Variants in COL4A3 observed in about 807,000 individuals in gnomAD.
COL4A3 encodes the protein collagen alpha-3(IV) chain.
COL4A3 carries 135 observed loss-of-function variants against 217.4 expected under a neutral mutation model. The ratio of observed to expected loss-of-function variants is 0.62; its 90% confidence interval spans 0.54 to 0.72. The LOEUF (loss-of-function observed/expected upper bound fraction) is 0.72, where lower values mean the gene tolerates loss of function less well. COL4A3 is among the 30% of genes least tolerant of loss of function. The pLI is 0.00. For synonymous variants in COL4A3, 690 were observed against 736.3 expected (o/e 0.94, Z 1.02); for missense variants, 1,868 against 2,119.9 (o/e 0.88, Z 2.33).
rs2072980655 is a variant in COL4A3 at position 227,295,283 on chromosome 2, C to T, written c.3532C>T (p.Pro1178Ser). 1 of 1,614,010 alleles carries T rather than the reference C, an allele frequency of 6.2e-7. No individual in the cohort carries two copies. The highest frequency in any genetic ancestry group is 8.5e-7 in the Non-Finnish European group (1 of 1,179,920). ...ATCTCTTTCAGGTTTATTGAGGGCC[C>T]CTCCAGGCCCAAGAGGGAACCCTGG... ...EKGETGLLRA[P>S]PGPRGNPGAQ... Residue 1178 changes from proline to serine, a missense_variant, in exon 41 of 52, where the codon CCT (proline) becomes TCT (serine). Physicochemically the swap from Pro to Ser is moderately conservative, Grantham distance 74. This residue lies in a region of COL4A3 where 1,503 missense variants were observed against 1,786.1 expected (regional missense o/e 0.84). Coordinates refer to ENST00000396578, the MANE Select transcript of COL4A3 (RefSeq NM_000091.5).
chr2:227,293,831 T>A (rs2072898329), intron 38 of COL4A3: 7 of 466,028 alleles, frequency 1.5e-5, no homozygotes, highest in Non-Finnish European at 3.1e-5. Flanking sequence ...GGCTATCTTC[T>A]TCCAGTGTTT....
In COL4A3 at chr2:227,308,748, C is replaced by A. The variant is rs973432580; in HGVS notation, c.4463-151C>A. Reference sequence around the variant, plus strand: ...TCTTTGATTTCTATCAGTATGAAAACTTTTCAATACTACATTTTGCAGATA... The same window carrying A: ...TCTTTGATTTCTATCAGTATGAAAAATTTTCAATACTACATTTTGCAGATA... On this transcript the variant is annotated intron_variant, in intron 48 of 51. Coordinates refer to ENST00000396578, the MANE Select transcript of COL4A3 (RefSeq NM_000091.5). 10 of 803,176 alleles carry A rather than the reference C, an allele frequency of 1.2e-5. No individual in the cohort carries two copies. In the African/African-American group the frequency reaches 1.5e-4, roughly 12 times the overall value. The allele number at this position is 803,176 out of a possible 1,614,324, so 49.8% of individuals were successfully genotyped here.
At chr2:227,291,424 G>A (rs1212107924) in intron 37 of COL4A3, among the ~76,000 whole-genome samples, 2 of 151,116 alleles carry the variant, frequency 1.3e-5, no homozygotes, top group Admixed American at 6.6e-5. Context: ...TTAGCCGGGC[G>A]TTTTGGCGGG....
Position 227,267,502 on chromosome 2 carries a change from A to G in COL4A3, c.1504+414A>G, listed in dbSNP as rs201794692. ...GTTCCTACTTTTAAAAGAGTCATAG[A>G]AAAATGTGGTATTTCACTTTCTTCT... On this transcript the variant is annotated intron_variant, in intron 23 of 51. Coordinates refer to ENST00000396578, the MANE Select transcript of COL4A3 (RefSeq NM_000091.5). 3.9e-5 allele frequency among the ~76,000 whole-genome samples: 6 copies of G among 152,348 alleles called. No individual in the cohort carries two copies. In the East Asian group the frequency reaches 7.7e-4, roughly 20 times the overall value.
At chr2:227,286,123 G>A (rs540395694) in intron 34 of COL4A3, among the ~76,000 whole-genome samples, 17 of 152,232 alleles carry the variant, frequency 1.1e-4, no homozygotes, top group African/African-American at 3.4e-4. Context: ...ATTTAACAAC[G>A]ACCTAAGTAG....
chr2:227,220,136 A>ATGTGTGTGTG (rs35199710), intron 1 of COL4A3, among the ~76,000 whole-genome samples: 2,540 of 127,112 alleles, frequency 0.02, 146 homozygotes, highest in East Asian at 0.18. Flanking sequence ...AGGCGGTTTT[A>ATGTGTGTGTG]TGTGTGTGTG....
At chr2:227,294,394 G>C in intron 38 of COL4A3, 96 bp from the exon 39 acceptor site, 1 of 873,736 alleles carries the variant, frequency 1.1e-6, no homozygotes, top group Non-Finnish European at 2.0e-6. Context: ...GCCAGCGTGA[G>C]CATGGTTGAC....
In COL4A3 at chr2:227,248,513, G is replaced by T; in HGVS notation, c.539G>T (p.Gly180Val). 1 of 1,611,832 alleles carries T rather than the reference G, an allele frequency of 6.2e-7. No homozygotes were observed. The highest frequency in any genetic ancestry group is 1.1e-5 in the South Asian group (1 of 91,028). ...KGDPGLPGAP[G>V]PQGLPGPPGF... ...GACCCCGGGTTGCCAGGGGCTCCAGGACCCCAGGTACAGCACTTCAGAGAA... is the reference window on the plus strand; with the variant it reads ...GACCCCGGGTTGCCAGGGGCTCCAGTACCCCAGGTACAGCACTTCAGAGAA... Residue 180 changes from glycine (G) to valine (V), a missense_variant, in exon 9 of 52, where the codon GGA (glycine) becomes GTA (valine). Physicochemically the swap from Gly to Val is moderately radical, Grantham distance 109. Transcript: ENST00000396578.
chr2:227,244,295 T>C (rs1559860208), intron 3 of COL4A3, 25 bp from the exon 4 acceptor site: 1 of 1,612,462 alleles, frequency 6.2e-7, no homozygotes, highest in South Asian at 1.1e-5. Context: ...GAGTGTTTAC[T>C]TTTTCTTTTT....
intron 1 of COL4A3, among the ~76,000 whole-genome samples, chr2:227,206,161 C>A (rs761235752): frequency 6.4e-4 from 97 of 152,122 alleles, no homozygotes; most frequent in Non-Finnish European, 5.7e-4. Flanking sequence ...GCAGCCTCCA[C>A]CAAGCAGGTT....
intron 43 of COL4A3, among the ~76,000 whole-genome samples, chr2:227,300,049 G>T (rs1246553843): frequency 6.6e-6 from 1 of 152,034 alleles, no homozygotes; most frequent in Non-Finnish European, 1.5e-5. Context: ...ATAAATACTT[G>T]GTTCTTTCAA....
chr2:227,282,578 C>T lies in COL4A3; in HGVS notation c.2656+46C>T. The T allele has an allele frequency of 6.4e-7, 1 of 1,555,472 alleles. No individual in the cohort carries two copies. Among genetic ancestry groups the T allele is most frequent in the Non-Finnish European group, 8.9e-7 (1 of 1,128,322 alleles). On this transcript the variant is annotated intron_variant, in intron 32 of 51. Transcript: ENST00000396578. This position sits in a 1 kb window ranked among gnomAD's most constrained non-coding sequence, Gnocchi z 4.4. Reference sequence around the variant, plus strand: ...ATTTTTCTTCTTATTTCTTCTTCTTCTTAAGGTGGCTCTGTCAACTGTACA... The same window carrying T: ...ATTTTTCTTCTTATTTCTTCTTCTTTTTAAGGTGGCTCTGTCAACTGTACA...
chr2:227,211,045 G>A (rs2067300214), intron 1 of COL4A3, among the ~76,000 whole-genome samples: 1 of 152,110 alleles, frequency 6.6e-6, no homozygotes, highest in African/African-American at 2.4e-5. Flanking sequence ...CTGTCGCCCA[G>A]GCTGGAGTGC....
Position 227,282,275 on chromosome 2 carries a change from A to ATATAT in COL4A3, c.2489-90_2489-89insTATAT, listed in dbSNP as rs1559896717. Reference sequence around the variant, plus strand: ...AGACAGAGGGAGATTCCATCTTAAAAATATATATATATATATATATATATA... The same window carrying ATATAT: ...AGACAGAGGGAGATTCCATCTTAAAATATATATATATATATATATATATATATATA... On this transcript the variant is annotated intron_variant, in intron 31 of 51. Transcript: ENST00000396578. The surrounding 1 kb of genome is among the most constrained non-coding windows in gnomAD (Gnocchi z 4.4). 1.1e-3 allele frequency: 387 copies of ATATAT among 354,414 alleles called. No individual in the cohort carries two copies. The highest frequency in any genetic ancestry group is 2.0e-3 in the Admixed American group (36 of 18,450). 22.0% of individuals were successfully genotyped at this position (354,414 alleles called of 1,614,324 possible).
intron 26 of COL4A3, among the ~76,000 whole-genome samples, chr2:227,274,238 A>AAAATAAATAAATATATAAAT (rs2071416114): frequency 7.0e-6 from 1 of 143,754 alleles, no homozygotes; most frequent in African/African-American, 2.5e-5. Context: ...TACTGTCTCA[A>AAAATAAATAAATATATAAAT]AAATAAATAA....
In COL4A3 at chr2:227,231,751, C is replaced by T. The variant is rs144291435; in HGVS notation, c.88-6217C>T. ...TTCTCCATGTTACCCAGGCTGGTCTCGAACTCCGGATCTCAAGTGATCCAC... is the reference window on the plus strand; with the variant it reads ...TTCTCCATGTTACCCAGGCTGGTCTTGAACTCCGGATCTCAAGTGATCCAC... On this transcript the variant is annotated intron_variant, in intron 1 of 51. Coordinates refer to ENST00000396578, the MANE Select transcript of COL4A3 (RefSeq NM_000091.5). Among the ~76,000 whole-genome samples the T allele has an allele frequency of 4.7e-3, 712 of 152,258 alleles. 6 individuals are homozygous for T. Among genetic ancestry groups the T allele is most frequent in the African/African-American group, 0.016 (673 of 41,538 alleles).
At chr2:227,225,606 A>ATT in intron 1 of COL4A3, among the ~76,000 whole-genome samples, 1 of 152,210 alleles carries the variant, frequency 6.6e-6, no homozygotes, top group South Asian at 2.1e-4. Context: ...ACCAGGCCAA[A>ATT]GCAAGTGAGA....
chr2:227,284,231 G>A lies in COL4A3; in HGVS notation c.2767G>A (p.Val923Ile), dbSNP rs917860017. ...GTTAGGGAGCCCTGGAATTCCAGGA[G>A]TAAAGGGCCAGAGAGGAACCCCAGG... Reference protein sequence around the residue: ...GQRGSPGIPGVKGQRGTPGAK... With the variant: ...GQRGSPGIPGIKGQRGTPGAK... Residue 923 changes from valine to isoleucine, a missense_variant, in exon 34 of 52, where the codon GTA becomes ATA. Transcript: ENST00000396578. 7 of 1,613,756 alleles carry A rather than the reference G, an allele frequency of 4.3e-6. No homozygotes were observed. In the African/African-American group the frequency reaches 9.3e-5, roughly 22 times the overall value.
intron 37 of COL4A3, among the ~76,000 whole-genome samples, chr2:227,291,511 C>G (rs2072709826): frequency 1.6e-5 from 2 of 125,910 alleles, no homozygotes; most frequent in Non-Finnish European, 3.2e-5. Context: ...TGCAGTGAGC[C>G]GAGATCGCGC....
Sources: gnomAD v4.1 joint callset for allele counts (sites outside exome capture counted in the v4.1 genomes callset) on GRCh38, gnomAD v4.1.1 for gene constraint, gnomAD v4.1.1 regional missense constraint, Gnocchi (gnomAD v3.1) non-coding constraint, MANE v1.5 for transcripts, NCBI Gene and HGNC (gene_info 2026-07-23, HGNC 2026-07-21) for gene names.